Variants in CDIN1 observed in about 807,000 individuals in gnomAD.
CDIN1 encodes the protein CDAN1 interacting nuclease 1.
In CDIN1, 33 loss-of-function variants were observed where a neutral mutation model predicts 45.3. The ratio of observed to expected loss-of-function variants is 0.73; its 90% CI spans 0.55 to 0.97. The LOEUF (loss-of-function observed/expected upper bound fraction) is 0.97. Among genes scored for constraint, CDIN1 ranks in the 50% least tolerant of loss-of-function variants. The pLI is 0.00. For synonymous variants in CDIN1, 118 were observed against 124.4 expected (o/e 0.95, Z 0.34); for missense variants, 303 against 339.4 (o/e 0.89, Z 0.84).
chr15:36,654,513 CA>C (rs35679788), intron 4 of CDIN1, among the ~76,000 whole-genome samples: 223 of 95,300 alleles, frequency 2.3e-3, no homozygotes, highest in South Asian at 8.5e-3. Context: ...AGATGGATGC[CA>C]AAAAAAAAAA....
At chr15:36,645,531 T>TGTGC (rs1555388473) in intron 3 of CDIN1, among the ~76,000 whole-genome samples, 7 of 147,388 alleles carry the variant, frequency 4.7e-5, no homozygotes, top group African/African-American at 7.5e-5. Context: ...TGTGTGTGTG[T>TGTGC]GCCCATACTA....
intron 5 of CDIN1, among the ~76,000 whole-genome samples, chr15:36,680,931 A>G (rs1008754527): frequency 6.6e-6 from 1 of 152,224 alleles, no homozygotes; most frequent in African/African-American, 2.4e-5. Flanking sequence ...CTACGTTGTC[A>G]TGGTTAATTC....
intron 10 of CDIN1, among the ~76,000 whole-genome samples, chr15:36,753,994 A>C (rs1273075063): frequency 6.6e-6 from 1 of 152,212 alleles, no homozygotes; most frequent in East Asian, 1.9e-4. Flanking sequence ...AAAGATGATT[A>C]CACTCAAGTT....
intron 1 of CDIN1, among the ~76,000 whole-genome samples, chr15:36,593,766 G>A (rs1351864325): frequency 1.3e-5 from 2 of 152,008 alleles, no homozygotes; most frequent in African/African-American, 4.8e-5. Context: ...GGGTTTCACT[G>A]TGTTAGCCAG....
At chr15:36,697,047 C>T (rs1470024406) in intron 7 of CDIN1, among the ~76,000 whole-genome samples, 1 of 151,312 alleles carries the variant, frequency 6.6e-6, no homozygotes, top group Non-Finnish European at 1.5e-5. Context: ...ATTGCTTGAG[C>T]CCAGGAGTTC....
chr15:36,712,453 A>G lies in CDIN1; in HGVS notation c.716+2492A>G, dbSNP rs993025260. Among the ~76,000 whole-genome samples, 4 of 151,998 alleles carry G rather than the reference A, an allele frequency of 2.6e-5. No individual in the cohort carries two copies. The South Asian group carries it at 6.2e-4, about 24-fold the overall frequency. On this transcript the variant is annotated intron_variant, in intron 10 of 10. Transcript: ENST00000566621. ...GCTAATTTTTGTGTTTTTAGTAGAC[A>G]GGGGGTTTTACCATGTTGGTCAGTC...
intron 8 of CDIN1, chr15:36,707,016 AT>A (rs1390182963): frequency 6.6e-6 from 1 of 152,062 alleles, no homozygotes; most frequent in African/African-American, 2.4e-5. Context: ...CCATCATTTC[AT>A]CTGAACTTTG....
intron 1 of CDIN1, among the ~76,000 whole-genome samples, chr15:36,620,494 A>G (rs920683979): frequency 2.0e-5 from 3 of 152,048 alleles, no homozygotes; most frequent in Non-Finnish European, 4.4e-5. Context: ...TTCTTACTCC[A>G]TATGTTATTC....
At chr15:36,589,652 C>T (rs1216631156) in intron 1 of CDIN1, among the ~76,000 whole-genome samples, 2 of 152,058 alleles carry the variant, frequency 1.3e-5, no homozygotes, top group Non-Finnish European at 2.9e-5. Flanking sequence ...ACTACAGGCG[C>T]CCGCCACCAC....
At chr15:36,622,092 A>G (rs1047740587) in intron 1 of CDIN1, among the ~76,000 whole-genome samples, 13 of 152,234 alleles carry the variant, frequency 8.5e-5, no homozygotes, top group African/African-American at 2.7e-4. Context: ...CTTGAAGAGA[A>G]AAACTTTTCA....
At chr15:36,796,813 A>G (rs1381284095) in intron 10 of CDIN1, among the ~76,000 whole-genome samples, 2 of 152,242 alleles carry the variant, frequency 1.3e-5, no homozygotes, top group Non-Finnish European at 2.9e-5. Flanking sequence ...TAATTAAGCT[A>G]TGCCTTTAAA....
intron 5 of CDIN1, among the ~76,000 whole-genome samples, chr15:36,672,837 G>A (rs1487365480): frequency 1.3e-5 from 2 of 151,506 alleles, no homozygotes; most frequent in African/African-American, 2.4e-5. Flanking sequence ...AGTATACTAA[G>A]TGCCTTTTTA....
chr15:36,769,815 G>A (rs931883317), intron 10 of CDIN1, among the ~76,000 whole-genome samples: 4 of 152,088 alleles, frequency 2.6e-5, no homozygotes, highest in African/African-American at 7.2e-5. Context: ...TGCCAAAAAC[G>A]CAACGAGCCC....
intron 1 of CDIN1, among the ~76,000 whole-genome samples, chr15:36,632,852 C>T (rs887993283): frequency 6.6e-6 from 1 of 152,200 alleles, no homozygotes; most frequent in Non-Finnish European, 1.5e-5. Flanking sequence ...ATTAGGTTTA[C>T]TTCAGAGAAA....
chr15:36,585,481 TTG>T (rs1442738281), intron 1 of CDIN1, among the ~76,000 whole-genome samples: 1 of 152,210 alleles, frequency 6.6e-6, no homozygotes, highest in Non-Finnish European at 1.5e-5. Context: ...GTCCTTTCCT[TTG>T]TGTTTGATGT....
At chr15:36,717,298 A>G (rs2043248464) in intron 10 of CDIN1, among the ~76,000 whole-genome samples, 1 of 152,176 alleles carries the variant, frequency 6.6e-6, no homozygotes, top group African/African-American at 2.4e-5. Context: ...AGGTTTCCTG[A>G]TGCCTCTTTA....
At chr15:36,580,542 A>G (rs1431549846) in intron 1 of CDIN1, among the ~76,000 whole-genome samples, 5 of 152,214 alleles carry the variant, frequency 3.3e-5, no homozygotes, top group Non-Finnish European at 7.3e-5. Flanking sequence ...AAGTTTCTCC[A>G]TATATGTTAT....
intron 10 of CDIN1, among the ~76,000 whole-genome samples, chr15:36,755,411 G>A (rs947889791): frequency 8.5e-5 from 13 of 152,080 alleles, no homozygotes; most frequent in Admixed American, 5.2e-4. Context: ...TCATTGAATC[G>A]CTGTTTTGTT....
At chr15:36,584,700 A>C (rs1306372072) in intron 1 of CDIN1, among the ~76,000 whole-genome samples, 1 of 151,706 alleles carries the variant, frequency 6.6e-6, no homozygotes, top group Non-Finnish European at 1.5e-5. Context: ...GCTCACACAC[A>C]CTCCCATACT....
Sources: allele counts gnomAD v4.1 joint callset (sites outside exome capture counted in the v4.1 genomes callset), GRCh38; gene constraint gnomAD v4.1.1; transcripts MANE v1.5; gene names NCBI Gene and HGNC (gene_info 2026-07-23, HGNC 2026-07-21).